RGS6: variants seen among roughly 807,000 people sequenced by gnomAD.
RGS6 encodes the protein regulator of G-protein signaling 6.
Under a neutral mutation model 78.5 loss-of-function variants are expected in RGS6, and 30 were observed. That is an observed-to-expected ratio of 0.38 (90% CI 0.29 to 0.52). The LOEUF is 0.52. Among genes scored for constraint, RGS6 ranks in the 20% least tolerant of loss-of-function variants. The pLI is 0.85. For synonymous variants in RGS6, 206 were observed against 206.0 expected (o/e 1.00, Z 0.00); for missense variants, 495 against 609.7 (o/e 0.81, Z 1.98).
At chr14:72,222,386 C>T (rs956444661) in intron 2 of RGS6, among the ~76,000 whole-genome samples, 3 of 152,208 alleles carry the variant, frequency 2.0e-5, no homozygotes, top group African/African-American at 7.2e-5. Flanking sequence ...TTGTAGATGT[C>T]ATGAGTGTTA....
intron 1 of RGS6, among the ~76,000 whole-genome samples, chr14:71,962,872 A>G (rs565235385): frequency 1.1e-4 from 16 of 152,322 alleles, no homozygotes; most frequent in African/African-American, 3.8e-4. Flanking sequence ...CTTGTTTTAT[A>G]ATAAAATGTT....
At chr14:71,945,051 A>C (rs2091301413) in intron 1 of RGS6, among the ~76,000 whole-genome samples, 2 of 152,176 alleles carry the variant, frequency 1.3e-5, no homozygotes, top group Admixed American at 1.3e-4. Flanking sequence ...TCCATCACTG[A>C]CTTGTGGTGC....
chr14:71,875,720 C>A, the RGS6 span, among the ~76,000 whole-genome samples: 1 of 152,150 alleles, frequency 6.6e-6, no homozygotes, highest in Non-Finnish European at 1.5e-5. Context: ...TTCTCTAGTT[C>A]TTTGAATTGT....
At chr14:72,035,976 C>T (rs992864933) in intron 2 of RGS6, among the ~76,000 whole-genome samples, 1 of 152,026 alleles carries the variant, frequency 6.6e-6, no homozygotes, top group Non-Finnish European at 1.5e-5. Context: ...AAAACAGTTC[C>T]GTCACCCCAG....
chr14:72,346,669 T>C (rs79731966), intron 2 of RGS6, among the ~76,000 whole-genome samples: 5,705 of 152,262 alleles, frequency 0.037, 376 homozygotes, highest in African/African-American at 0.13. Context: ...CAACCAGGCC[T>C]ATCACTGTAG....
chr14:71,916,358 C>A, the RGS6 span, among the ~76,000 whole-genome samples: 37 of 152,210 alleles, frequency 2.4e-4, no homozygotes, highest in Non-Finnish European at 1.2e-4. Context: ...AATCTAAAGG[C>A]CCCCACTGAT....
At chr14:72,292,545 C>A (rs1025857721) in intron 2 of RGS6, among the ~76,000 whole-genome samples, 1 of 152,228 alleles carries the variant, frequency 6.6e-6, no homozygotes, top group African/African-American at 2.4e-5. Context: ...TTTCTCTAGT[C>A]TGTTAAACTT....
At chr14:72,504,010 T>A (rs1411433118) in intron 13 of RGS6, among the ~76,000 whole-genome samples, 1 of 152,252 alleles carries the variant, frequency 6.6e-6, no homozygotes, top group Non-Finnish European at 1.5e-5. Flanking sequence ...AGGAGCATCC[T>A]GATCTACCTA....
In RGS6 at chr14:72,040,626, A is replaced by T. The variant is rs143497544; in HGVS notation, c.84+75751A>T. The stretch of plus-strand genomic sequence containing the variant: ...GGTTCATCCTAGTTGGAGTTTATTG[A>T]CTTTCTTGAATTTAGATGTTCTTTT... On this transcript the variant is annotated intron_variant, in intron 2 of 17. Coordinates refer to ENST00000553525, the MANE Select transcript of RGS6 (RefSeq NM_001204424.2). Among the ~76,000 whole-genome samples the T allele has an allele frequency of 2.6e-5, 4 of 152,044 alleles. No individual in the cohort carries two copies. In the East Asian group the frequency reaches 7.7e-4, roughly 29 times the overall value.
intron 2 of RGS6, among the ~76,000 whole-genome samples, chr14:72,329,492 C>G (rs186380354): frequency 3.9e-5 from 6 of 152,262 alleles, no homozygotes; most frequent in African/African-American, 1.2e-4. Flanking sequence ...AGGTCCACAC[C>G]ACATCCTCCC....
At chr14:72,542,417 C>T (rs1054807996) in intron 17 of RGS6, among the ~76,000 whole-genome samples, 1 of 152,246 alleles carries the variant, frequency 6.6e-6, no homozygotes, top group Non-Finnish European at 1.5e-5. Context: ...CATTCTCTGA[C>T]TATCATATGC....
intron 2 of RGS6, among the ~76,000 whole-genome samples, chr14:72,187,450 G>A (rs187712396): frequency 9.2e-4 from 140 of 152,306 alleles, no homozygotes; most frequent in Non-Finnish European, 1.7e-3. Context: ...AGATGGCATG[G>A]TTCCTTAGGT....
intron 17 of RGS6, among the ~76,000 whole-genome samples, chr14:72,562,057 C>T (rs1445850165): frequency 1.3e-5 from 2 of 152,348 alleles, no homozygotes; most frequent in South Asian, 2.1e-4. Flanking sequence ...TTTCCTCCCC[C>T]ACGTGAACAA....
At chr14:72,113,641 A>G (rs1212602264) in intron 2 of RGS6, among the ~76,000 whole-genome samples, 1 of 152,212 alleles carries the variant, frequency 6.6e-6, no homozygotes, top group Non-Finnish European at 1.5e-5. Context: ...GTGGCTTGGC[A>G]GGGCTCTGCC....
chr14:72,193,830 A>G (rs1160644791), intron 2 of RGS6, among the ~76,000 whole-genome samples: 1 of 152,192 alleles, frequency 6.6e-6, no homozygotes, highest in Admixed American at 6.5e-5. Context: ...ACTATCCACA[A>G]TCAGCCAGAG....
chr14:72,086,596 G>A (rs746496189), intron 2 of RGS6, among the ~76,000 whole-genome samples: 3 of 152,182 alleles, frequency 2.0e-5, no homozygotes, highest in Non-Finnish European at 2.9e-5. Context: ...GAGCAATTTT[G>A]TAACTGATTT....
intron 2 of RGS6, among the ~76,000 whole-genome samples, chr14:72,209,288 A>C (rs1207936441): frequency 6.6e-6 from 1 of 152,228 alleles, no homozygotes; most frequent in East Asian, 1.9e-4. Flanking sequence ...AGAAAAATGA[A>C]AGGCAGATAA....
chr14:72,109,383 C>G (rs1158817056), intron 2 of RGS6, among the ~76,000 whole-genome samples: 1 of 152,122 alleles, frequency 6.6e-6, no homozygotes. Flanking sequence ...CTAGGAGTTC[C>G]AAAAACTGTG....
intron 3 of RGS6, among the ~76,000 whole-genome samples, chr14:72,389,553 A>G (rs2089350955): frequency 6.6e-6 from 1 of 152,186 alleles, no homozygotes; most frequent in African/African-American, 2.4e-5. Flanking sequence ...CGCCAGCATC[A>G]AAGAGCAAGG....
Sources: allele counts gnomAD v4.1 joint callset (sites outside exome capture counted in the v4.1 genomes callset), GRCh38; gene constraint gnomAD v4.1.1; transcripts MANE v1.5; gene names NCBI Gene and HGNC (gene_info 2026-07-23, HGNC 2026-07-21).